The following WDHD1 variants were observed in gnomAD, a reference collection of about 807,000 sequenced individuals.
WDHD1 encodes WD repeat and HMG-box DNA-binding protein 1.
Under a neutral mutation model 135.4 loss-of-function variants are expected in WDHD1, and 111 were observed. The ratio of observed to expected loss-of-function variants is 0.82; its 90% CI spans 0.70 to 0.96. The LOEUF (loss-of-function observed/expected upper bound fraction) is 0.96. Among genes scored for constraint, WDHD1 ranks in the 40% least tolerant of loss-of-function variants. WDHD1 has a pLI of 0.00. For synonymous variants in WDHD1, 434 were observed against 439.0 expected (o/e 0.99, Z 0.14); for missense variants, 1,351 against 1,336.3 (o/e 1.01, Z -0.17).
At chr14:54,991,117 A>C in intron 12 of WDHD1, 96 bp downstream of exon 12, 1 of 649,868 alleles carries the variant, frequency 1.5e-6, no homozygotes, top group South Asian at 2.7e-5. Context: ...ACTTAATCAA[A>C]GTTTTTAAAA....
At chr14:55,000,033 C>T (rs113592281) in intron 10 of WDHD1, among the ~76,000 whole-genome samples, 2 of 152,316 alleles carry the variant, frequency 1.3e-5, no homozygotes, top group African/African-American at 4.8e-5. Context: ...AGTCTGCAAT[C>T]TGTAACCAGA....
rs545599988 is a variant in WDHD1, at chr14:54,957,476, A to G, written c.2745+116T>C. 55 of 995,702 alleles carry G rather than the reference A, an allele frequency of 5.5e-5. No homozygotes were observed. In the Admixed American group the frequency reaches 1.6e-3, roughly 29 times the overall value. The allele number at this position is 995,702 out of a possible 1,614,324, so 61.7% of individuals were successfully genotyped here. A position where few individuals can be genotyped will look rare whatever the true frequency, so the allele number is the denominator to read the frequency against. ...CCAAGTGCTGCTTTCTTCTGTTTCCACACAGATCAGTCTTTCATGCCTCCA... is the reference window on the plus strand; with the variant it reads ...CCAAGTGCTGCTTTCTTCTGTTTCCGCACAGATCAGTCTTTCATGCCTCCA... On this transcript the variant is annotated intron_variant, in intron 22 of 25. Coordinates refer to ENST00000360586, the MANE Select transcript of WDHD1 (RefSeq NM_007086.4).
intron 18 of WDHD1, among the ~76,000 whole-genome samples, chr14:54,963,875 G>A (rs1321659556): frequency 6.6e-6 from 1 of 151,182 alleles, no homozygotes; most frequent in African/African-American, 2.4e-5. Context: ...ACTTTGGAAG[G>A]CCAAGGCAGA....
intron 2 of WDHD1, among the ~76,000 whole-genome samples, chr14:55,019,184 A>G (rs1366775646): frequency 1.3e-5 from 2 of 152,238 alleles, no homozygotes; most frequent in Admixed American, 6.5e-5. Flanking sequence ...ATACCATGGG[A>G]CAGACAGGCT....
chr14:55,007,135 G>T, intron 7 of WDHD1, 145 bp downstream of exon 7: 1 of 592,054 alleles, frequency 1.7e-6, no homozygotes, highest in South Asian at 2.0e-5. Flanking sequence ...GGCTGAGGCA[G>T]GAGAATTGCT....
At chr14:54,997,971 G>C (rs1015113006) in intron 10 of WDHD1, among the ~76,000 whole-genome samples, 40 of 151,936 alleles carry the variant, frequency 2.6e-4, no homozygotes, top group Middle Eastern at 3.4e-3. Flanking sequence ...TAGCACTTTG[G>C]GGGGCTGCGG....
At chr14:54,967,539 A>T (rs1434228090) in intron 16 of WDHD1, 145 bp from the exon 17 acceptor site, 12 of 537,794 alleles carry the variant, frequency 2.2e-5, no homozygotes, top group South Asian at 2.0e-4. Context: ...ATCTCTTTTT[A>T]AAAAAGTGTT....
At position 54,940,750 on chromosome 14, in the gene WDHD1, C is replaced by T. The variant is rs2140141579; in HGVS notation, c.*740G>A. The T allele has an allele frequency of 6.6e-6, 1 of 152,234 alleles. No individual in the cohort carries two copies. The highest frequency in any genetic ancestry group is 2.1e-4 in the South Asian group (1 of 4,810). The allele number at this position is 152,234 out of a possible 1,614,324, so 9.4% of individuals were successfully genotyped here. A position where few individuals can be genotyped will look rare whatever the true frequency, so the allele number is the denominator to read the frequency against. On this transcript the variant is annotated 3_prime_UTR_variant, in exon 26 of 26. Coordinates refer to ENST00000360586, the MANE Select transcript of WDHD1 (RefSeq NM_007086.4). Reference sequence around the variant, plus strand: ...GCCTTGGACTGCAATACTGTCACAGCAGTGTCTTCAGTTCTTCTCTACTGT... The same window carrying T: ...GCCTTGGACTGCAATACTGTCACAGTAGTGTCTTCAGTTCTTCTCTACTGT...
chr14:54,973,039 TTA>T (rs3074190), intron 16 of WDHD1, among the ~76,000 whole-genome samples: 64,508 of 151,676 alleles, frequency 0.43, 15,508 homozygotes, highest in African/African-American at 0.66. Context: ...ACAGAATGAT[TTA>T]TATATATATA....
intron 16 of WDHD1, among the ~76,000 whole-genome samples, chr14:54,972,690 G>A (rs1595081486): frequency 6.6e-6 from 1 of 151,272 alleles, no homozygotes; most frequent in African/African-American, 2.4e-5. Flanking sequence ...CATGGTAGTG[G>A]GCACTTGTAA....
At chr14:54,943,723 C>T (rs2040874397) in intron 25 of WDHD1, among the ~76,000 whole-genome samples, 4 of 152,068 alleles carry the variant, frequency 2.6e-5, no homozygotes, top group Admixed American at 2.6e-4. Flanking sequence ...TTAACAAATG[C>T]ATCTTTTCTT....
intron 7 of WDHD1, chr14:55,005,321 A>G (rs2042047529): frequency 9.0e-6 from 5 of 554,680 alleles, no homozygotes; most frequent in Admixed American, 1.9e-5. Flanking sequence ...ATTAGTCACC[A>G]TAAGAAGCTG....
Position 55,000,958 on chromosome 14 carries a change from T to C in WDHD1, c.728A>G (p.Gln243Arg). Residue 243 changes from glutamine (Q) to arginine (R), a missense_variant, in exon 9 of 26, where the codon CAA becomes CGA. Physicochemically the swap from Gln to Arg is conservative, Grantham distance 43 (BLOSUM62 1). Transcript: ENST00000360586. The part of the protein sequence containing the change: ...LNIVTWSPCG[Q>R]YLAAGSINGL... ...ATTAATACTACCTGCAGCTAAATATTGCCCACAGGGAGACCAGGTTACTAT... is the reference window on the plus strand; with the variant it reads ...ATTAATACTACCTGCAGCTAAATATCGCCCACAGGGAGACCAGGTTACTAT... 6.3e-7 allele frequency: 1 copy of C among 1,592,730 alleles called. No individual in the cohort carries two copies. The highest frequency in any genetic ancestry group is 8.5e-7 in the Non-Finnish European group (1 of 1,170,608).
chr14:55,025,553 C>T (rs551830003), intron 2 of WDHD1, among the ~76,000 whole-genome samples: 1 of 152,354 alleles, frequency 6.6e-6, no homozygotes, highest in Admixed American at 6.5e-5. Flanking sequence ...CATGAGTGCT[C>T]CTTTTCCAAT....
rs1221119336 is a variant in WDHD1 at position 54,962,814 on chromosome 14, G to C, written c.2571C>G (p.Phe857Leu). 1 of 1,612,984 alleles carries C rather than the reference G, an allele frequency of 6.2e-7. No homozygotes were observed. Among genetic ancestry groups the C allele is most frequent in the African/African-American group, 1.3e-5 (1 of 74,880 alleles). ...NTATEWSQPR[F>L]RNQVEEDAED... is the part of the protein sequence containing the mutation. ...CAGCATCTTCTTCAACTTGATTTCT[G>C]AACCTTGGTTGGCTCCACTCTGTAG... Residue 857 changes from phenylalanine to leucine, a missense_variant, in exon 20 of 26, where the codon TTC (phenylalanine) becomes TTG (leucine). Transcript: ENST00000360586.
chr14:54,952,800 G>C (rs908197431), intron 24 of WDHD1, among the ~76,000 whole-genome samples: 2 of 152,284 alleles, frequency 1.3e-5, no homozygotes, highest in African/African-American at 4.8e-5. Flanking sequence ...GAACAGAACA[G>C]AGCCCTCAGA....
At chr14:55,011,524 C>CCAA (rs2042169425) in intron 3 of WDHD1, among the ~76,000 whole-genome samples, 1 of 51,000 alleles carries the variant, frequency 2.0e-5, no homozygotes, top group Admixed American at 3.1e-4. Flanking sequence ...AACTCTGTCT[C>CCAA]AAAAAAAAAA....
chr14:54,967,434 C>T, intron 16 of WDHD1, 40 bp from the exon 17 acceptor site: 2 of 1,485,852 alleles, frequency 1.3e-6, no homozygotes, highest in South Asian at 1.2e-5. Flanking sequence ...AATTTACTAA[C>T]ATGTCATAAA....
At position 54,939,694 on chromosome 14, in the gene WDHD1, C is replaced by G. The variant is rs962479824; in HGVS notation, c.*1796G>C. The G allele has an allele frequency of 2.0e-5, 3 of 151,628 alleles. No homozygotes were observed. The highest frequency in any genetic ancestry group is 2.1e-4 in the South Asian group (1 of 4,826). 9.4% of individuals were successfully genotyped at this position (151,628 alleles called of 1,614,324 possible). On this transcript the variant is annotated 3_prime_UTR_variant, in exon 26 of 26. Transcript: ENST00000360586. ...TTCTGATTTGTAAGTTAAACCAAGT[C>G]AATACAAAAACCTTCCTTCAGCCAA...
Sources: gnomAD v4.1 joint callset for allele counts (sites outside exome capture counted in the v4.1 genomes callset) on GRCh38, gnomAD v4.1.1 for gene constraint, MANE v1.5 for transcripts, NCBI Gene and HGNC (gene_info 2026-07-23, HGNC 2026-07-21) for gene names.